PIK3R5: variants seen among roughly 807,000 people sequenced by gnomAD.
The protein encoded by PIK3R5 is phosphoinositide 3-kinase regulatory subunit 5.
PIK3R5 carries 32 observed loss-of-function variants against 94.9 expected under a neutral mutation model. The observed-to-expected ratio is 0.34, with a 90% confidence interval of 0.25 to 0.45. The LOEUF (loss-of-function observed/expected upper bound fraction) is 0.45. Among genes scored for constraint, PIK3R5 ranks in the 20% least tolerant of loss-of-function variants. PIK3R5 has a pLI of 1.00. For missense variants in PIK3R5, 853 were observed against 1,144.6 expected (o/e 0.75, Z 3.68); for synonymous variants, 443 against 479.4 (o/e 0.92, Z 0.99).
At chr17:8,905,495 G>A (rs2090374536) in intron 4 of PIK3R5, among the ~76,000 whole-genome samples, 174 bp downstream of exon 4, 1 of 152,082 alleles carries the variant, frequency 6.6e-6, no homozygotes, top group Admixed American at 6.5e-5. Flanking sequence ...GTCACCAGAA[G>A]CCTCTCATGG....
rs558377803 is a variant in PIK3R5, at chr17:8,965,028, C to T, written c.-14+568G>A. Among the ~76,000 whole-genome samples, 15 of 151,936 alleles carry T rather than the reference C, an allele frequency of 9.9e-5. No individual in the cohort carries two copies. The East Asian group carries it at 2.7e-3, about 27-fold the overall frequency. ...ACACACACACACACACACACACACA[C>T]ACGAGTCACGCGGGGATGTCCAGTG... is the stretch of plus-strand genomic sequence containing the variant. On this transcript the variant is annotated intron_variant, in intron 1 of 18. Coordinates refer to ENST00000447110, the MANE Select transcript of PIK3R5 (RefSeq NM_001142633.3).
chr17:8,886,106 T>A, intron 14 of PIK3R5, 123 bp downstream of exon 14: 2 of 650,520 alleles, frequency 3.1e-6, no homozygotes, highest in Non-Finnish European at 5.3e-6. Flanking sequence ...CCCAGGGGCC[T>A]ACCTCCTGTG....
intron 3 of PIK3R5, among the ~76,000 whole-genome samples, chr17:8,906,948 T>G (rs2090409119): frequency 6.6e-6 from 1 of 152,230 alleles, no homozygotes; most frequent in African/African-American, 2.4e-5. Context: ...ATATATTAAA[T>G]TTTATTTATG....
At position 8,955,124 on chromosome 17, in the gene PIK3R5, T is replaced by C. The variant is rs1567673899; in HGVS notation, c.-14+10472A>G. Among the ~76,000 whole-genome samples the C allele has an allele frequency of 6.6e-6, 1 of 151,984 alleles. No homozygotes were observed. The highest frequency in any genetic ancestry group is 1.5e-5 in the Non-Finnish European group (1 of 67,994). Reference sequence around the variant, plus strand: ...AGTTGTGCACAGAAGACCAGTGATATGTCTGGAGGGTCCTTGAGGGGAGGA... The same window carrying C: ...AGTTGTGCACAGAAGACCAGTGATACGTCTGGAGGGTCCTTGAGGGGAGGA... On this transcript the variant is annotated intron_variant, in intron 1 of 18. Coordinates refer to ENST00000447110, the MANE Select transcript of PIK3R5 (RefSeq NM_001142633.3). This position sits in a 1 kb window ranked among gnomAD's most constrained non-coding sequence, Gnocchi z 4.4.
At chr17:8,930,304 C>A (rs994530682) in intron 1 of PIK3R5, among the ~76,000 whole-genome samples, 1 of 152,104 alleles carries the variant, frequency 6.6e-6, no homozygotes, top group African/African-American at 2.4e-5. Flanking sequence ...ACAGAAAAAT[C>A]TCCAAATACT....
chr17:8,893,046 C>CTGTGTGTGTGTGTG lies in PIK3R5; in HGVS notation c.482+526_482+539dup, dbSNP rs199732856. ...GTAACCAGGATACATTTCATTTCAG[C>CTGTGTGTGTGTGTG]TGTGTGTGTGTGTGTGTGTGTGTGT... On this transcript the variant is annotated intron_variant, in intron 6 of 18. Transcript: ENST00000447110. The surrounding 1 kb of genome is among the most constrained non-coding windows in gnomAD (Gnocchi z 5.1). 1.9e-4 allele frequency among the ~76,000 whole-genome samples: 26 copies of CTGTGTGTGTGTGTG among 135,886 alleles called. No homozygotes were observed. Among genetic ancestry groups the CTGTGTGTGTGTGTG allele is most frequent in the African/African-American group, 6.6e-4 (22 of 33,128 alleles). The allele number at this position is 135,886 out of a possible 152,430, so 89.1% of individuals were successfully genotyped here. A position where few individuals can be genotyped will look rare whatever the true frequency, so the allele number is the denominator to read the frequency against.
At chr17:8,886,698 CAT>C (rs2089867543) in intron 12 of PIK3R5, 93 bp from the exon 13 acceptor site, 1 of 1,399,540 alleles carries the variant, frequency 7.1e-7, no homozygotes, top group East Asian at 2.3e-5. Context: ...AGAAGAGAGA[CAT>C]AGAGGCAGCC....
intron 1 of PIK3R5, among the ~76,000 whole-genome samples, chr17:8,949,354 ATTG>A (rs2091333158): frequency 6.6e-6 from 1 of 152,228 alleles, no homozygotes; most frequent in Admixed American, 6.5e-5. Context: ...AGGGTCCGAT[ATTG>A]AAACATCTGA....
In PIK3R5 at chr17:8,884,059, G is replaced by A. The variant is rs2089748544; in HGVS notation, c.2205+648C>T. On this transcript the variant is annotated intron_variant, in intron 15 of 18. Transcript: ENST00000447110. This position sits in a 1 kb window ranked among gnomAD's most constrained non-coding sequence, Gnocchi z 5.8. ...TTCTTTGTTTCCTCGTTTCTTGTCT[G>A]TCTCCCTCCTCTAGACAAGCTAAAG... 6.6e-6 allele frequency among the ~76,000 whole-genome samples: 1 copy of A among 152,128 alleles called. No homozygotes were observed. Among genetic ancestry groups the A allele is most frequent in the African/African-American group, 2.4e-5 (1 of 41,406 alleles).
Position 8,890,711 on chromosome 17 carries a change from C to T in PIK3R5, c.657+27G>A. On this transcript the variant is annotated intron_variant, in intron 7 of 18. Coordinates refer to ENST00000447110, the MANE Select transcript of PIK3R5 (RefSeq NM_001142633.3). The surrounding 1 kb of genome is among the most constrained non-coding windows in gnomAD (Gnocchi z 6.1). ...GCTACCTCCTCAGAGAGGTGCTCCACCAGAGCCCCAGGCCCCAGGTACATA... is the reference window on the plus strand; with the variant it reads ...GCTACCTCCTCAGAGAGGTGCTCCATCAGAGCCCCAGGCCCCAGGTACATA... 2 of 1,582,600 alleles carry T rather than the reference C, an allele frequency of 1.3e-6. No homozygotes were observed. The highest frequency in any genetic ancestry group is 1.7e-6 in the Non-Finnish European group (2 of 1,162,694).
intron 1 of PIK3R5, among the ~76,000 whole-genome samples, chr17:8,957,908 G>A (rs889401647): frequency 6.6e-5 from 10 of 152,344 alleles, no homozygotes; most frequent in East Asian, 1.9e-4. Flanking sequence ...GTCACAGGGC[G>A]TGGGAGAAGG....
chr17:8,900,403 T>C (rs2090254038), intron 5 of PIK3R5, among the ~76,000 whole-genome samples: 1 of 152,134 alleles, frequency 6.6e-6, no homozygotes, highest in African/African-American at 2.4e-5. Flanking sequence ...ATGTGTGAGG[T>C]TTTGGAACTG....
At chr17:8,949,856 TACTC>T (rs2091344724) in intron 1 of PIK3R5, among the ~76,000 whole-genome samples, 2 of 152,172 alleles carry the variant, frequency 1.3e-5, no homozygotes, top group African/African-American at 4.8e-5. Flanking sequence ...CTAAAGAACT[TACTC>T]ACGTAACCAA....
At chr17:8,962,947 T>C (rs1303421966) in intron 1 of PIK3R5, among the ~76,000 whole-genome samples, 1 of 152,204 alleles carries the variant, frequency 6.6e-6, no homozygotes, top group African/African-American at 2.4e-5. Context: ...TAAGGATCAC[T>C]CTATCTTCTT....
Position 8,909,825 on chromosome 17 carries a change from G to C in PIK3R5, c.104-651C>G, listed in dbSNP as rs2090484696. ...CTCCTGCCCTGGTTTCCTACAGTGG[G>C]TTCTGGTACCTATGAGTTGCAGGGA... is the stretch of plus-strand genomic sequence containing the variant. On this transcript the variant is annotated intron_variant, in intron 2 of 18. Transcript: ENST00000447110. This position sits in a 1 kb window ranked among gnomAD's most constrained non-coding sequence, Gnocchi z 4.3. Among the ~76,000 whole-genome samples the C allele has an allele frequency of 6.6e-6, 1 of 152,174 alleles. No individual in the cohort carries two copies. Among genetic ancestry groups the C allele is most frequent in the Admixed American group, 6.5e-5 (1 of 15,280 alleles).
In PIK3R5 at chr17:8,882,714, T is replaced by TC. The variant is rs1210052422; in HGVS notation, c.2206-834dup. ...ACTGGACCCCGGCCTCTTCCTGTGGTCCCCCCAGAGAAGATGGTGCTGCCA... is the reference window on the plus strand; with the variant it reads ...ACTGGACCCCGGCCTCTTCCTGTGGTCCCCCCCAGAGAAGATGGTGCTGCCA... On this transcript the variant is annotated intron_variant, in intron 15 of 18. Transcript: ENST00000447110. This position sits in a 1 kb window ranked among gnomAD's most constrained non-coding sequence, Gnocchi z 4.1. Among the ~76,000 whole-genome samples the TC allele has an allele frequency of 2.6e-5, 4 of 151,934 alleles. 1 individual carries two copies. The highest frequency in any genetic ancestry group is 9.7e-5 in the African/African-American group (4 of 41,386).
Position 8,925,052 on chromosome 17 carries a change from T to G in PIK3R5, c.-13-13545A>C, listed in dbSNP as rs2090845158. Reference sequence around the variant, plus strand: ...GATAGATAGTAGATGAATAGATAGATAGATAGTAGATGGATAGATGGATAG... The same window carrying G: ...GATAGATAGTAGATGAATAGATAGAGAGATAGTAGATGGATAGATGGATAG... On this transcript the variant is annotated intron_variant, in intron 1 of 18. Transcript: ENST00000447110. This position sits in a 1 kb window ranked among gnomAD's most constrained non-coding sequence, Gnocchi z 5.1. Among the ~76,000 whole-genome samples the G allele has an allele frequency of 6.6e-6, 1 of 152,060 alleles. No homozygotes were observed. Among genetic ancestry groups the G allele is most frequent in the African/African-American group, 2.4e-5 (1 of 41,388 alleles).
At chr17:8,929,093 A>T (rs1567660468) in intron 1 of PIK3R5, among the ~76,000 whole-genome samples, 1 of 152,218 alleles carries the variant, frequency 6.6e-6, no homozygotes, top group Admixed American at 6.5e-5. Flanking sequence ...ATACAAATAG[A>T]TATATATAAA....
chr17:8,944,055 C>T (rs1014646895), intron 1 of PIK3R5, among the ~76,000 whole-genome samples: 13 of 152,254 alleles, frequency 8.5e-5, no homozygotes, highest in African/African-American at 2.4e-4. Context: ...CCTCTGCTCT[C>T]AAGTAAGCCC....
Sources: allele counts gnomAD v4.1 joint callset (sites outside exome capture counted in the v4.1 genomes callset), GRCh38; gene constraint gnomAD v4.1.1; non-coding constraint Gnocchi (gnomAD v3.1); transcripts MANE v1.5; gene names NCBI Gene and HGNC (gene_info 2026-07-23, HGNC 2026-07-21).